FLACC1: variants seen among roughly 807,000 people sequenced by gnomAD.
The protein encoded by FLACC1 is flagellum-associated coiled-coil domain-containing protein 1.
A neutral mutation model predicts 62.8 loss-of-function variants in FLACC1; 66 were observed. The observed-to-expected ratio is 1.05, with a 90% confidence interval of 0.86 to 1.29. FLACC1 has a LOEUF of 1.29. FLACC1 is among the 50% of genes most tolerant of loss of function. The probability of loss-of-function intolerance (pLI) is 0.00; values close to 1 mark genes in which losing one functional copy is unlikely to be tolerated. For synonymous variants in FLACC1, 156 were observed against 161.0 expected (o/e 0.97, Z 0.24); for missense variants, 452 against 489.1 (o/e 0.92, Z 0.71).
intron 9 of FLACC1, among the ~76,000 whole-genome samples, chr2:201,309,983 G>A (rs1950187440): frequency 6.6e-6 from 1 of 150,458 alleles, no homozygotes; most frequent in Admixed American, 6.6e-5. Flanking sequence ...ATAAGGGGAT[G>A]TTTTTCAGAG....
intron 9 of FLACC1, among the ~76,000 whole-genome samples, chr2:201,313,964 C>T (rs1027643412): frequency 1.3e-5 from 2 of 152,166 alleles, no homozygotes. Context: ...AAAGAGATAA[C>T]AATCACTACA....
Position 201,307,854 on chromosome 2 carries a change from T to C in FLACC1, c.776-232A>G, listed in dbSNP as rs1950138218. Among the ~76,000 whole-genome samples, 3 of 152,210 alleles carry C rather than the reference T, an allele frequency of 2.0e-5. No individual in the cohort carries two copies. In the South Asian group the frequency reaches 6.2e-4, roughly 31 times the overall value. ...TGGGATTTACCACCAACATCTCTGG[T>C]TCTTTTGTGTGTAGTTTATTTTGAA... On this transcript the variant is annotated intron_variant, in intron 10 of 14. Coordinates refer to ENST00000392257, the MANE Select transcript of FLACC1 (RefSeq NM_001127391.3).
intron 9 of FLACC1, among the ~76,000 whole-genome samples, chr2:201,309,923 A>AG (rs1435617170): frequency 2.1e-5 from 3 of 146,006 alleles, no homozygotes; most frequent in South Asian, 2.4e-4. Flanking sequence ...AAAAAAAAAA[A>AG]AAAAGAAGAA....
chr2:201,306,345 A>G (rs958652982), intron 11 of FLACC1, among the ~76,000 whole-genome samples: 1 of 151,942 alleles, frequency 6.6e-6, no homozygotes, highest in South Asian at 2.1e-4. Flanking sequence ...CTCCCACCAG[A>G]CCCCCTTCTC....
intron 9 of FLACC1, among the ~76,000 whole-genome samples, chr2:201,309,855 C>T (rs187852533): frequency 1.5e-5 from 2 of 135,776 alleles, no homozygotes; most frequent in East Asian, 2.2e-4. Flanking sequence ...TGCAGTGAGC[C>T]GAGATCACGC....
chr2:201,296,095 T>A (rs999847128), intron 12 of FLACC1, among the ~76,000 whole-genome samples: 1 of 152,150 alleles, frequency 6.6e-6, no homozygotes, highest in African/African-American at 2.4e-5. Context: ...ATTGTGGAAG[T>A]CAGTGTGGCG....
intron 9 of FLACC1, among the ~76,000 whole-genome samples, chr2:201,312,510 A>T (rs915038213): frequency 6.6e-6 from 1 of 152,246 alleles, no homozygotes; most frequent in African/African-American, 2.4e-5. Flanking sequence ...CAATTAAGAG[A>T]TTAAATGCTA....
At chr2:201,290,094 G>C (rs1412144623) in intron 12 of FLACC1, among the ~76,000 whole-genome samples, 1 of 152,192 alleles carries the variant, frequency 6.6e-6, no homozygotes, top group Non-Finnish European at 1.5e-5. Context: ...ACTATAGAGA[G>C]AGAAAAAAGA....
chr2:201,305,649 G>A (rs1475506555), intron 11 of FLACC1, among the ~76,000 whole-genome samples: 3 of 152,258 alleles, frequency 2.0e-5, no homozygotes, highest in South Asian at 2.1e-4. Context: ...GTTTATTGTG[G>A]CACTATTCAC....
chr2:201,351,508 C>T (rs1457432826), intron 1 of FLACC1, 57 bp from the exon 2 acceptor site: 2 of 854,290 alleles, frequency 2.3e-6, no homozygotes, highest in South Asian at 1.6e-5. Context: ...AGCAAAAATA[C>T]AGAAGAATTG....
At chr2:201,316,861 C>A (rs747404081) in intron 9 of FLACC1, among the ~76,000 whole-genome samples, 7 of 152,148 alleles carry the variant, frequency 4.6e-5, no homozygotes, top group Admixed American at 1.3e-4. Context: ...CCACCATAAT[C>A]AAGTGGGTTT....
rs114646841 is a variant in FLACC1, at chr2:201,348,534, T to C, written c.186-232A>G. On this transcript the variant is annotated intron_variant, in intron 3 of 14. Transcript: ENST00000392257. ...GAGGCAAAAGACTTGTCTTATGATG[T>C]TGGGGCAACTTCTGTTTTGGAGGAG... is the stretch of plus-strand genomic sequence containing the variant. Among the ~76,000 whole-genome samples, 164 of 152,242 alleles carry C rather than the reference T, an allele frequency of 1.1e-3. 1 individual carries two copies. In the South Asian group the frequency reaches 0.013, roughly 12 times the overall value.
chr2:201,288,644 C>A lies in FLACC1; in HGVS notation c.*11G>T, dbSNP rs371018956. The A allele has an allele frequency of 4.3e-6, 7 of 1,612,820 alleles. No individual in the cohort carries two copies. The African/African-American group carries it at 8.0e-5, about 18-fold the overall frequency. Reference sequence around the variant, plus strand: ...GCCAACCATCTTCAACAATGCAGAGCAACTTTTTGTTTATGATTCTTGTCC... The same window carrying A: ...GCCAACCATCTTCAACAATGCAGAGAAACTTTTTGTTTATGATTCTTGTCC... On this transcript the variant is annotated 3_prime_UTR_variant, in exon 15 of 15. Transcript: ENST00000392257.
intron 2 of FLACC1, 80 bp downstream of exon 2, chr2:201,351,212 T>A: frequency 7.9e-7 from 1 of 1,264,604 alleles, no homozygotes; most frequent in East Asian, 2.4e-5. Context: ...CACTTGCTGT[T>A]TTAGAAATCT....
chr2:201,356,785 T>C (rs1304234056), intron 1 of FLACC1, among the ~76,000 whole-genome samples, 197 bp downstream of exon 1: 1 of 151,278 alleles, frequency 6.6e-6, no homozygotes, highest in African/African-American at 2.4e-5. Flanking sequence ...GCTCTAATTA[T>C]AGAGGGGTGT....
rs374637421 is a variant in FLACC1, at chr2:201,317,522, T to C, written c.676-8272A>G. On this transcript the variant is annotated intron_variant, in intron 9 of 14. Transcript: ENST00000392257. ...GTTGTAAGACCTGTACAAGGAAAAC[T>C]ATAAAACACTGCTAAAGAAATCATA... Among the ~76,000 whole-genome samples the C allele has an allele frequency of 9.2e-5, 14 of 152,258 alleles. No individual in the cohort carries two copies. The South Asian group carries it at 2.9e-3, about 32-fold the overall frequency.
At position 201,292,646 on chromosome 2, in the gene FLACC1, G is replaced by T. The variant is rs1006389316; in HGVS notation, c.943-2861C>A. On this transcript the variant is annotated intron_variant, in intron 12 of 14. Coordinates refer to ENST00000392257, the MANE Select transcript of FLACC1 (RefSeq NM_001127391.3). ...CGAGCAAAATAACCAGCTAACATCA[G>T]AATGACAGGATCAAATTCACACATA... 2.8e-4 allele frequency among the ~76,000 whole-genome samples: 43 copies of T among 152,234 alleles called. 1 individual carries two copies. Among genetic ancestry groups the T allele is most frequent in the African/African-American group, 9.9e-4 (41 of 41,558 alleles).
chr2:201,329,461 A>T (rs991819665), intron 9 of FLACC1, among the ~76,000 whole-genome samples: 10 of 152,248 alleles, frequency 6.6e-5, no homozygotes, highest in African/African-American at 2.2e-4. Context: ...CCAAAAGAAA[A>T]TAAATTTTTC....
intron 6 of FLACC1, 75 bp downstream of exon 6, chr2:201,344,095 C>T: frequency 7.4e-7 from 1 of 1,349,814 alleles, no homozygotes. Context: ...TGGCATTTTG[C>T]CTGGCACATA....
Sources: allele counts gnomAD v4.1 joint callset (sites outside exome capture counted in the v4.1 genomes callset), GRCh38; gene constraint gnomAD v4.1.1; transcripts MANE v1.5; gene names NCBI Gene and HGNC (gene_info 2026-07-23, HGNC 2026-07-21).